COL6A5: variants seen among roughly 807,000 people sequenced by gnomAD.
COL6A5 encodes collagen type VI alpha 5 chain.
In COL6A5, 48 loss-of-function variants were observed where a neutral mutation model predicts 65.6. The ratio of observed to expected loss-of-function variants is 0.73; its 90% CI spans 0.58 to 0.93. COL6A5 has a LOEUF of 0.93. Ranked by LOEUF, COL6A5 falls within the 40% of genes least tolerant of loss-of-function variation. The probability of loss-of-function intolerance (pLI) is 0.00; values close to 1 mark genes in which losing one functional copy is unlikely to be tolerated. For synonymous variants in COL6A5, 291 were observed against 322.8 expected (o/e 0.90, Z 1.05); for missense variants, 914 against 928.3 (o/e 0.98, Z 0.20).
At chr3:130,469,349 C>T in exon 6 of COL6A5, 1 of 1,612,892 alleles carries the variant, frequency 6.2e-7, no homozygotes, top group Non-Finnish European at 8.5e-7. Flanking sequence ...TGGCCCTAAA[C>T]ACAATGACAA....
chr3:130,348,884 C>CT (rs1027243865), intron 1 of COL6A5, among the ~76,000 whole-genome samples: 13 of 151,886 alleles, frequency 8.6e-5, no homozygotes, highest in Admixed American at 1.3e-4. Flanking sequence ...TGATGATGAG[C>CT]TTTTTTTTAT....
At chr3:130,360,369 G>C (rs2107620146) in intron 1 of COL6A5, among the ~76,000 whole-genome samples, 1 of 152,084 alleles carries the variant, frequency 6.6e-6, no homozygotes, top group East Asian at 1.9e-4. Context: ...TTTATTCTTG[G>C]ATTCTTCAAA....
intron 4 of COL6A5, among the ~76,000 whole-genome samples, chr3:130,445,992 A>G (rs998875396): frequency 2.0e-5 from 3 of 152,142 alleles, no homozygotes; most frequent in Non-Finnish European, 2.9e-5. Flanking sequence ...GGTATCTCCC[A>G]TTACTCCTCC....
At chr3:130,353,886 T>C (rs149362090) in intron 1 of COL6A5, among the ~76,000 whole-genome samples, 2,666 of 152,092 alleles carry the variant, frequency 0.018, 25 homozygotes, top group Non-Finnish European at 0.029. Context: ...ATATTTATAG[T>C]TGAAAAAGAT....
chr3:130,412,216 C>T (rs563787587), intron 20 of COL6A5, among the ~76,000 whole-genome samples: 1 of 152,258 alleles, frequency 6.6e-6, no homozygotes, highest in South Asian at 2.1e-4. Context: ...AAATCACTTT[C>T]AAATATTAAT....
intron 1 of COL6A5, among the ~76,000 whole-genome samples, 175 bp from the exon 34 acceptor site, chr3:130,439,340 TGTGTGTG>T (rs1423013403): frequency 1.7e-4 from 1 of 5,868 alleles, no homozygotes; most frequent in Non-Finnish European, 3.0e-3. Context: ...AGCAGGGGAT[TGTGTGTG>T]TGTGTGTGTG....
At chr3:130,354,028 G>A (rs937641642) in intron 1 of COL6A5, among the ~76,000 whole-genome samples, 38 of 150,668 alleles carry the variant, frequency 2.5e-4, no homozygotes, top group African/African-American at 9.3e-4. Flanking sequence ...AGAAAAGAAA[G>A]AGAGAAGTAG....
chr3:130,391,469 C>A (rs1559874793), exon 7 of COL6A5: 2 of 1,551,718 alleles, frequency 1.3e-6, no homozygotes, highest in Non-Finnish European at 8.7e-7. Context: ...CGCAAATGCC[C>A]TGTTTACAGA....
chr3:130,393,209 A>G (rs1936466078), intron 7 of COL6A5, among the ~76,000 whole-genome samples: 1 of 151,230 alleles, frequency 6.6e-6, no homozygotes, highest in Non-Finnish European at 1.5e-5. Context: ...TCCCCTCTTC[A>G]CAATCTACCC....
At chr3:130,401,416 T>C (rs1190692045) in intron 11 of COL6A5, among the ~76,000 whole-genome samples, 1 of 152,182 alleles carries the variant, frequency 6.6e-6, no homozygotes, top group Non-Finnish European at 1.5e-5. Flanking sequence ...CATAATTGAA[T>C]TAAAAAGCCC....
In COL6A5 at chr3:130,391,033, G is replaced by A. The variant is rs1936378230; in HGVS notation, c.2417-146G>A. On this transcript the variant is annotated intron_variant and NMD_transcript_variant, in intron 6 of 41. Coordinates refer to the COL6A5 transcript ENST00000312481. The stretch of plus-strand genomic sequence containing the variant: ...CCTTGACTTTTTTTTTCTGTAAAAT[G>A]GCAGCAGCCACCTCTAAGAACTAAG... The A allele has an allele frequency of 3.5e-5, 23 of 648,298 alleles. 1 individual carries two copies. The South Asian group carries it at 4.7e-4, about 13-fold the overall frequency. 40.2% of individuals were successfully genotyped at this position (648,298 alleles called of 1,614,324 possible).
chr3:130,392,022 G>A (rs572441961), intron 7 of COL6A5, among the ~76,000 whole-genome samples: 1 of 152,238 alleles, frequency 6.6e-6, no homozygotes, highest in South Asian at 2.1e-4. Flanking sequence ...CCTTTTTCTG[G>A]CAGAAAGGAA....
At chr3:130,403,572 G>A (rs556726223) in intron 12 of COL6A5, 37 bp from the exon 13 acceptor site, 5 of 1,523,822 alleles carry the variant, frequency 3.3e-6, no homozygotes, top group Admixed American at 2.0e-5. Context: ...TATTGGGGGG[G>A]GGTGACTAAA....
chr3:130,413,510 A>G (rs1937242622), intron 20 of COL6A5, 35 bp from the exon 21 acceptor site: 3 of 1,540,724 alleles, frequency 1.9e-6, no homozygotes, highest in South Asian at 2.4e-5. Context: ...CCATTCAGAC[A>G]TCCACATACT....
At chr3:130,416,700 T>C in intron 23 of COL6A5, 57 bp from the exon 24 acceptor site, 1 of 964,464 alleles carries the variant, frequency 1.0e-6, no homozygotes, top group South Asian at 1.5e-5. Context: ...ATGTTTCTAA[T>C]GGGCTTTCTA....
intron 1 of COL6A5, among the ~76,000 whole-genome samples, chr3:130,372,043 A>G (rs1399931020): frequency 1.3e-5 from 2 of 152,190 alleles, no homozygotes; most frequent in Non-Finnish European, 2.9e-5. Flanking sequence ...TAGATGTTTC[A>G]CCAAATAAGA....
exon 8 of COL6A5, chr3:130,484,211 A>G (rs1483070413): frequency 3.1e-6 from 2 of 645,162 alleles, no homozygotes; most frequent in Non-Finnish European, 5.0e-6. Flanking sequence ...TCCATCTCAA[A>G]TCTTGAGGAG....
intron 1 of COL6A5, among the ~76,000 whole-genome samples, chr3:130,358,420 C>A (rs1934998485): frequency 6.6e-6 from 1 of 152,086 alleles, no homozygotes; most frequent in Non-Finnish European, 1.5e-5. Flanking sequence ...AATTTAGTAA[C>A]ATGAGTAAGA....
chr3:130,430,127 C>T (rs1937740850), upstream of COL6A5, among the ~76,000 whole-genome samples: 1 of 152,182 alleles, frequency 6.6e-6, no homozygotes, highest in Non-Finnish European at 1.5e-5. Context: ...ATTTCAAAAC[C>T]TCCTGGTCTC....
Sources: allele counts gnomAD v4.1 joint callset (sites outside exome capture counted in the v4.1 genomes callset), GRCh38; gene constraint gnomAD v4.1.1; transcripts MANE v1.5; gene names NCBI Gene and HGNC (gene_info 2026-07-23, HGNC 2026-07-21).